The following ZBTB40 variants were observed in gnomAD, a reference collection of about 807,000 sequenced individuals.
The protein encoded by ZBTB40 is zinc finger and BTB domain-containing protein 40.
Under a neutral mutation model 117.5 loss-of-function variants are expected in ZBTB40, and 60 were observed. That is an observed-to-expected ratio of 0.51 (90% confidence interval 0.41 to 0.63). ZBTB40 has a LOEUF of 0.63. ZBTB40 is among the 30% of genes least tolerant of loss of function. ZBTB40 has a pLI of 0.00. For missense variants in ZBTB40, 1,287 were observed against 1,498.5 expected, an observed-to-expected ratio of 0.86 and a Z score of 2.33; for synonymous variants, 525 against 577.1, an observed-to-expected ratio of 0.91 and a Z score of 1.29.
At chr1:22,431,267 G>GTATATATTC (rs1557468554) in intron 1 of ZBTB40, among the ~76,000 whole-genome samples, 1 of 140,976 alleles carries the variant, frequency 7.1e-6, no homozygotes, top group African/African-American at 2.7e-5. Context: ...TGTATATATT[G>GTATATATTC]AATATATACA....
chr1:22,457,740 A>T (rs1334518154), intron 1 of ZBTB40, among the ~76,000 whole-genome samples: 2 of 152,248 alleles, frequency 1.3e-5, no homozygotes, highest in Non-Finnish European at 2.9e-5. Context: ...TTTAGCATAA[A>T]AACAAAGGTG....
chr1:22,446,857 C>T (rs541554914), upstream of ZBTB40, among the ~76,000 whole-genome samples: 8 of 152,164 alleles, frequency 5.3e-5, no homozygotes, highest in South Asian at 2.1e-4. Context: ...AACCCCAGTA[C>T]GTTGGGAGGC....
chr1:22,473,194 T>G (rs958373216), intron 1 of ZBTB40, among the ~76,000 whole-genome samples: 2 of 152,180 alleles, frequency 1.3e-5, no homozygotes, highest in African/African-American at 2.4e-5. Flanking sequence ...CGGAGCGTAT[T>G]AAAAATGAAG....
chr1:22,440,090 G>T (rs1242922791), intron 1 of ZBTB40, among the ~76,000 whole-genome samples: 1 of 152,022 alleles, frequency 6.6e-6, no homozygotes, highest in Non-Finnish European at 1.5e-5. Flanking sequence ...TATTGTAAAT[G>T]GAACTGTTTT....
At chr1:22,462,527 T>C (rs1325113968) in intron 1 of ZBTB40, among the ~76,000 whole-genome samples, 1 of 152,264 alleles carries the variant, frequency 6.6e-6, no homozygotes, top group Non-Finnish European at 1.5e-5. Flanking sequence ...TGTTGTCGTC[T>C]TTACGTTCCA....
At chr1:22,448,411 C>T (rs1305026403), upstream of ZBTB40, among the ~76,000 whole-genome samples, 1 of 152,160 alleles carries the variant, frequency 6.6e-6, no homozygotes, top group Non-Finnish European at 1.5e-5. Flanking sequence ...TGATACGTTG[C>T]TGCTAAGTGC....
At chr1:22,433,432 CAAAAAAAAAAAAAAAA>C (rs767913519) in intron 1 of ZBTB40, among the ~76,000 whole-genome samples, 1 of 8,764 alleles carries the variant, frequency 1.1e-4, no homozygotes, top group Non-Finnish European at 2.8e-4. Context: ...GACGCCCTCT[CAAAAAAAAAAAAAAAA>C]AAAAAAAAAG....
rs928287923 is a variant in ZBTB40 at position 22,517,385 on chromosome 1, C to G, written c.2754C>G (p.Asp918Glu). ...GCCACGTGAGGACCCACACCGGGGACAAGCCCTATGTCTGCAGAGACTGTG... is the reference window on the plus strand; with the variant it reads ...GCCACGTGAGGACCCACACCGGGGAGAAGCCCTATGTCTGCAGAGACTGTG... ...LSRHVRTHTG[D>E]KPYVCRDCGK... Residue 918 changes from aspartate (D) to glutamate (E), a missense_variant, in exon 13 of 18, where the codon GAC becomes GAG. By Grantham distance (45) the Asp-to-Glu change is conservative. This residue lies in a region of ZBTB40 where 417 missense variants were observed against 564.1 expected (regional missense o/e 0.74). Transcript: ENST00000375647. The G allele has an allele frequency of 1.9e-6, 3 of 1,614,090 alleles. No homozygotes were observed. The highest frequency in any genetic ancestry group is 1.7e-5 in the Admixed American group (1 of 60,014).
At chr1:22,454,986 C>T (rs956420004) in intron 1 of ZBTB40, among the ~76,000 whole-genome samples, 4 of 152,176 alleles carry the variant, frequency 2.6e-5, no homozygotes, top group African/African-American at 9.7e-5. Context: ...AAGCCCTCTA[C>T]TTTCTATCTC....
chr1:22,491,916 G>C (rs1231977400), intron 3 of ZBTB40, among the ~76,000 whole-genome samples: 1 of 152,070 alleles, frequency 6.6e-6, no homozygotes, highest in Non-Finnish European at 1.5e-5. Flanking sequence ...GAACAAAAAG[G>C]ACTTTATATA....
intron 12 of ZBTB40, among the ~76,000 whole-genome samples, chr1:22,516,672 G>A (rs1639381550): frequency 6.6e-6 from 1 of 152,174 alleles, no homozygotes; most frequent in African/African-American, 2.4e-5. Flanking sequence ...CAATTGCCCT[G>A]CTTGCTCTCT....
chr1:22,484,009 CTT>C (rs1638399556), intron 1 of ZBTB40, among the ~76,000 whole-genome samples: 1 of 152,152 alleles, frequency 6.6e-6, no homozygotes, highest in African/African-American at 2.4e-5. Flanking sequence ...AAAAGATACT[CTT>C]TGCTTCATTT....
chr1:22,524,284 A>G lies in ZBTB40; in HGVS notation c.3365A>G (p.His1122Arg). 1.9e-6 allele frequency: 3 copies of G among 1,614,124 alleles called. No homozygotes were observed. Among genetic ancestry groups the G allele is most frequent in the East Asian group, 4.5e-5 (2 of 44,870 alleles). Residue 1122 changes from histidine to arginine, a missense_variant, in exon 17 of 18, where the codon CAT (histidine) becomes CGT (arginine). This residue lies in a region of ZBTB40 where 417 missense variants were observed against 564.1 expected (regional missense o/e 0.74). Coordinates refer to ENST00000375647, the MANE Select transcript of ZBTB40 (RefSeq NM_014870.4). ...CGTTTTCCTGGAGCATTGCAGCACCATGTCACCACGGAGCACTTCAAGCAG... is the reference window on the plus strand; with the variant it reads ...CGTTTTCCTGGAGCATTGCAGCACCGTGTCACCACGGAGCACTTCAAGCAG... ...TFRFPGALQH[H>R]VTTEHFKQSE...
chr1:22,518,179 A>G (rs1639425830), intron 13 of ZBTB40, among the ~76,000 whole-genome samples: 1 of 152,230 alleles, frequency 6.6e-6, no homozygotes. Flanking sequence ...CAGGAGTGTA[A>G]TCAGCACAGC....
upstream of ZBTB40, among the ~76,000 whole-genome samples, chr1:22,447,122 C>A (rs1205381899): frequency 1.3e-5 from 2 of 151,180 alleles, no homozygotes; most frequent in East Asian, 3.9e-4. Context: ...AAAAAAAGTT[C>A]TAAATCTTGA....
At chr1:22,439,690 G>A (rs900941785) in intron 1 of ZBTB40, among the ~76,000 whole-genome samples, 5 of 152,122 alleles carry the variant, frequency 3.3e-5, no homozygotes, top group African/African-American at 4.8e-5. Flanking sequence ...CTCCATTAGT[G>A]TTTGTGTCTT....
intron 1 of ZBTB40, among the ~76,000 whole-genome samples, chr1:22,455,384 G>A (rs1236054100): frequency 6.6e-6 from 1 of 152,154 alleles, no homozygotes; most frequent in Non-Finnish European, 1.5e-5. Flanking sequence ...GAAATTAGAA[G>A]CAATAATAAA....
At position 22,506,054 on chromosome 1, in the gene ZBTB40, T is replaced by C. The variant is rs773859442; in HGVS notation, c.1173T>C (p.Ile391=). Residue 391 remains isoleucine, a synonymous_variant, in exon 6 of 18, where the codon ATT becomes ATC. Coordinates refer to ENST00000375647, the MANE Select transcript of ZBTB40 (RefSeq NM_014870.4). ...EFLTGTEKRV[I]LNCCEGRTPK... ...TTGATTGCTTGCCACTGCAGGTGAT[T>C]CTGAATTGCTGTGAGGGCAGAACAC... The C allele has an allele frequency of 6.2e-7, 1 of 1,614,140 alleles. No homozygotes were observed. The highest frequency in any genetic ancestry group is 8.5e-7 in the Non-Finnish European group (1 of 1,180,010).
At chr1:22,500,264 G>C (rs746047519) in intron 3 of ZBTB40, among the ~76,000 whole-genome samples, 1 of 152,198 alleles carries the variant, frequency 6.6e-6, no homozygotes, top group African/African-American at 2.4e-5. Context: ...TGATGTCTTA[G>C]AAGCATCTAG....
Sources: gnomAD v4.1 joint callset for allele counts (sites outside exome capture counted in the v4.1 genomes callset) on GRCh38, gnomAD v4.1.1 for gene constraint, gnomAD v4.1.1 regional missense constraint, MANE v1.5 for transcripts, NCBI Gene and HGNC (gene_info 2026-07-23, HGNC 2026-07-21) for gene names.